Variants in NCKAP5 observed in about 807,000 individuals in gnomAD.
The protein encoded by NCKAP5 is NCK associated protein 5.
In NCKAP5, 92 loss-of-function variants were observed where a neutral mutation model predicts 167.0. The ratio of observed to expected loss-of-function variants is 0.55; its 90% confidence interval spans 0.47 to 0.66. The LOEUF is 0.66. NCKAP5 is among the 30% of genes least tolerant of loss of function. The pLI is 0.00. For missense variants in NCKAP5, 2,378 were observed against 2,315.0 expected, an observed-to-expected ratio of 1.03 and a Z score of -0.56; for synonymous variants, 891 against 877.4, an observed-to-expected ratio of 1.02 and a Z score of -0.27.
At chr2:133,223,419 C>G (rs556015410) in intron 4 of NCKAP5, among the ~76,000 whole-genome samples, 1 of 152,096 alleles carries the variant, frequency 6.6e-6, no homozygotes, top group African/African-American at 2.4e-5. Context: ...AGTCACCCGC[C>G]GCAGAGGCCA....
In NCKAP5 at chr2:133,552,411, AG is replaced by A. The variant is rs1360583009; in HGVS notation, c.-62+6638del. On this transcript the variant is annotated intron_variant, in intron 2 of 19. Transcript: ENST00000409261. ...ACATATACACCATGGAATACTATGC[AG>A]CCATAAAAAATGATGAGTTCGTGTC... Among the ~76,000 whole-genome samples, 69 of 143,118 alleles carry A rather than the reference AG, an allele frequency of 4.8e-4. 1 individual carries two copies. The South Asian group carries it at 6.6e-3, about 14-fold the overall frequency. 93.9% of individuals were successfully genotyped at this position (143,118 alleles called of 152,430 possible).
At chr2:132,688,358 C>T (rs1452207251) in intron 19 of NCKAP5, among the ~76,000 whole-genome samples, 1 of 152,002 alleles carries the variant, frequency 6.6e-6, no homozygotes, top group African/African-American at 2.4e-5. Context: ...AGGAACTGTG[C>T]CCCATTTGAA....
chr2:133,018,269 A>G (rs1318184623), intron 6 of NCKAP5, among the ~76,000 whole-genome samples: 1 of 152,182 alleles, frequency 6.6e-6, no homozygotes, highest in Non-Finnish European at 1.5e-5. Context: ...GAAGCCACGT[A>G]GAAGAGGCCT....
chr2:133,674,701 G>C, the NCKAP5 span, among the ~76,000 whole-genome samples: 1 of 151,786 alleles, frequency 6.6e-6, no homozygotes, highest in Admixed American at 6.6e-5. Context: ...CAGGGATGCT[G>C]AATGTTTCAC....
At position 132,704,677 on chromosome 2, in the gene NCKAP5, C is replaced by T. The variant is rs149117879; in HGVS notation, c.5713+20950G>A. ...TGGTTCCTCATACCTTTCGTGTCCA[C>T]ATTTCCATTCCTACTCAGTTTAGTC... On this transcript the variant is annotated intron_variant, in intron 19 of 19. Coordinates refer to ENST00000409261, the MANE Select transcript of NCKAP5 (RefSeq NM_207363.3). Among the ~76,000 whole-genome samples the T allele has an allele frequency of 3.0e-3, 454 of 152,306 alleles. 2 individuals are homozygous for T. Among genetic ancestry groups the T allele is most frequent in the Non-Finnish European group, 5.3e-3 (359 of 68,020 alleles).
chr2:133,012,191 T>C (rs1254610942), intron 6 of NCKAP5, among the ~76,000 whole-genome samples: 1 of 152,214 alleles, frequency 6.6e-6, no homozygotes, highest in East Asian at 1.9e-4. Context: ...CCTCAACAAA[T>C]GAACCTCAAC....
chr2:133,654,696 G>A, the NCKAP5 span, among the ~76,000 whole-genome samples: 23 of 152,312 alleles, frequency 1.5e-4, no homozygotes, highest in African/African-American at 2.9e-4. Context: ...TACCAGCCAC[G>A]TGGTTGGTAC....
chr2:133,405,612 G>A (rs1688375669), intron 3 of NCKAP5, among the ~76,000 whole-genome samples: 3 of 152,214 alleles, frequency 2.0e-5, no homozygotes, highest in South Asian at 4.1e-4. Flanking sequence ...TGAAAGCACT[G>A]TGATGATTGA....
intron 6 of NCKAP5, among the ~76,000 whole-genome samples, chr2:133,077,177 C>A (rs1424876714): frequency 6.6e-6 from 1 of 152,192 alleles, no homozygotes; most frequent in Non-Finnish European, 1.5e-5. Flanking sequence ...GTTTGTAATA[C>A]TTCTGTGAAA....
intron 8 of NCKAP5, among the ~76,000 whole-genome samples, chr2:132,886,707 G>A (rs1185685647): frequency 6.6e-6 from 1 of 152,156 alleles, no homozygotes; most frequent in African/African-American, 2.4e-5. Flanking sequence ...TAATATTTAT[G>A]GCGAGAATAT....
chr2:133,088,687 A>G (rs190597514), intron 6 of NCKAP5, among the ~76,000 whole-genome samples: 7 of 152,334 alleles, frequency 4.6e-5, no homozygotes, highest in Admixed American at 3.9e-4. Context: ...AATATAATTT[A>G]CCTACAACAT....
chr2:133,402,955 T>C (rs1490374638), intron 3 of NCKAP5, among the ~76,000 whole-genome samples: 2 of 152,244 alleles, frequency 1.3e-5, no homozygotes, highest in African/African-American at 2.4e-5. Context: ...GAATTTCTAG[T>C]GACTTTTGAG....
intron 8 of NCKAP5, among the ~76,000 whole-genome samples, chr2:132,951,737 C>T (rs2076194535): frequency 1.3e-5 from 2 of 152,162 alleles, no homozygotes; most frequent in Admixed American, 1.3e-4. Context: ...CATTCTAGAG[C>T]CACAATTTTT....
At chr2:132,765,797 T>C (rs1362294240) in intron 16 of NCKAP5, among the ~76,000 whole-genome samples, 1 of 152,172 alleles carries the variant, frequency 6.6e-6, no homozygotes, top group East Asian at 1.9e-4. Context: ...CCTCAAATAA[T>C]GTTTCCTATC....
intron 19 of NCKAP5, among the ~76,000 whole-genome samples, chr2:132,712,741 C>G (rs1383281557): frequency 6.6e-6 from 1 of 152,182 alleles, no homozygotes; most frequent in Non-Finnish European, 1.5e-5. Context: ...AGTAGGGATT[C>G]AGTAAGCACT....
At chr2:133,118,053 C>G (rs1465632467) in intron 6 of NCKAP5, 1 of 152,240 alleles carries the variant, frequency 6.6e-6, no homozygotes, top group East Asian at 1.9e-4. Context: ...ATTAAACCCT[C>G]TTCACCTGCA....
intron 2 of NCKAP5, among the ~76,000 whole-genome samples, chr2:133,528,324 CT>C (rs5834364): frequency 0.57 from 85,194 of 148,798 alleles, 25,627 homozygotes; most frequent in East Asian, 0.93. Context: ...ATTACTGGGC[CT>C]TTTTTTTTTT....
intron 4 of NCKAP5, among the ~76,000 whole-genome samples, chr2:133,273,187 T>C (rs533501824): frequency 2.0e-5 from 3 of 152,292 alleles, no homozygotes; most frequent in African/African-American, 7.2e-5. Context: ...AGCGTTCTAA[T>C]GTCTCCACAG....
In NCKAP5 at chr2:132,773,865, CT is replaced by C; in HGVS notation, c.5078del (p.Glu1693GlyfsTer17). 3 of 1,610,674 alleles carry C rather than the reference CT, an allele frequency of 1.9e-6. No homozygotes were observed. The highest frequency in any genetic ancestry group is 2.5e-6 in the Non-Finnish European group (3 of 1,178,902). ...AATCTGCAACTGCATCGTCTTCATCCTCTTGCAAGTTTTCATTTGCCTCTTT... is the reference window on the plus strand; with the variant it reads ...AATCTGCAACTGCATCGTCTTCATCCCTTGCAAGTTTTCATTTGCCTCTTT... ...LVKEANENLQ[E>X]DEDDAVADSV... On this transcript the variant is annotated frameshift_variant, in exon 16 of 20. Transcript: ENST00000409261. LOFTEE classifies it high-confidence loss of function.
Sources: gnomAD v4.1 joint callset for allele counts (sites outside exome capture counted in the v4.1 genomes callset) on GRCh38, gnomAD v4.1.1 for gene constraint, MANE v1.5 for transcripts, NCBI Gene and HGNC (gene_info 2026-07-23, HGNC 2026-07-21) for gene names.